The following SMPD3 variants were observed in gnomAD, a reference collection of about 807,000 sequenced individuals.
SMPD3 encodes the protein nSMase-2.
SMPD3 carries 21 observed loss-of-function variants against 55.7 expected under a neutral mutation model. The ratio of observed to expected loss-of-function variants is 0.38; its 90% CI spans 0.27 to 0.54. SMPD3 has a LOEUF of 0.54. Ranked by LOEUF, SMPD3 falls within the 20% of genes least tolerant of loss-of-function variation. The pLI, the probability that SMPD3 is intolerant of heterozygous loss-of-function variation, is 0.80. For missense variants in SMPD3, 842 were observed against 899.6 expected (o/e 0.94, Z 0.82); for synonymous variants, 457 against 404.3 (o/e 1.13, Z -1.56).
At chr16:68,361,437 G>A (rs1597578906) in intron 8 of SMPD3, 130 bp from the exon 9 acceptor site, 2 of 1,360,386 alleles carry the variant, frequency 1.5e-6, no homozygotes, top group Admixed American at 1.9e-5. Context: ...CAGTCAGAGG[G>A]ATGGGGCCTG....
At chr16:68,436,465 A>G (rs937768288) in intron 1 of SMPD3, among the ~76,000 whole-genome samples, 5 of 151,994 alleles carry the variant, frequency 3.3e-5, no homozygotes, top group African/African-American at 1.2e-4. Context: ...ATCTCACTGC[A>G]CTGTAATTAT....
In SMPD3 at chr16:68,361,609, C is replaced by G. The variant is rs2089272619; in HGVS notation, c.1860G>C (p.Trp620Cys). The change falls in exon 8 of 9, where the codon TGG becomes TGC. Residue 620 changes from tryptophan to cysteine, a missense_variant. Around this residue, in one of 2 missense-constraint regions of SMPD3, gnomAD observed 649 missense variants for 643.6 expected, o/e 1.01. Transcript: ENST00000219334. ...CTGGGCCCTCCTGACTCACGGCCTT[C>G]CAGTCTGGGCACAGCCCCTCCTCTG... Reference protein sequence around the residue: ...LHAEEGLCPDWKAEVEEFSFI... With the variant: ...LHAEEGLCPDCKAEVEEFSFI... 1 of 1,608,056 alleles carries G rather than the reference C, an allele frequency of 6.2e-7. No individual in the cohort carries two copies. Among genetic ancestry groups the G allele is most frequent in the Non-Finnish European group, 8.5e-7 (1 of 1,179,922 alleles).
chr16:68,396,589 G>T (rs544418966), intron 1 of SMPD3, among the ~76,000 whole-genome samples: 1 of 152,044 alleles, frequency 6.6e-6, no homozygotes, highest in African/African-American at 2.4e-5. Flanking sequence ...TACTGGCAGC[G>T]TAGAGCCCCC....
intron 5 of SMPD3, chr16:68,364,527 T>A: frequency 1.8e-6 from 1 of 541,566 alleles, no homozygotes. Flanking sequence ...TTGTCAGAGG[T>A]TCGTTTTTAG....
intron 2 of SMPD3, among the ~76,000 whole-genome samples, chr16:68,381,183 G>A (rs1238354569): frequency 1.3e-5 from 2 of 152,208 alleles, no homozygotes; most frequent in Non-Finnish European, 1.5e-5. Flanking sequence ...ACTGCTGAGG[G>A]TTGAGGCCCC....
chr16:68,427,752 T>TGG lies in SMPD3; in HGVS notation c.-269+20599_-269+20600dup, dbSNP rs67002357. ...AGTGGGATGGGGAGTTAAAAATGAC[T>TGG]GGGGGGGGGTGCTGATGCATTGTGA... On this transcript the variant is annotated intron_variant, in intron 1 of 8. Coordinates refer to ENST00000219334, the MANE Select transcript of SMPD3 (RefSeq NM_018667.4). 2.4e-3 allele frequency among the ~76,000 whole-genome samples: 358 copies of TGG among 147,916 alleles called. 2 individuals are homozygous for TGG. Among genetic ancestry groups the TGG allele is most frequent in the East Asian group, 6.7e-3 (33 of 4,936 alleles).
rs1410788093 is a variant in SMPD3 at position 68,404,878 on chromosome 16, G to A, written c.-268-18219C>T. 6.6e-6 allele frequency among the ~76,000 whole-genome samples: 1 copy of A among 152,170 alleles called. No individual in the cohort carries two copies. The highest frequency in any genetic ancestry group is 2.4e-5 in the African/African-American group (1 of 41,446). On this transcript the variant is annotated intron_variant, in intron 1 of 8. Transcript: ENST00000219334. This position sits in a 1 kb window ranked among gnomAD's most constrained non-coding sequence, Gnocchi z 4.0. The stretch of plus-strand genomic sequence containing the variant: ...CTTGTCCTTGGCAGCAGTAGAAATG[G>A]GGCGGCTCTGAACTTTCTCTCTGTA...
At chr16:68,424,014 G>T (rs901950574) in intron 1 of SMPD3, among the ~76,000 whole-genome samples, 5 of 151,678 alleles carry the variant, frequency 3.3e-5, no homozygotes, top group Non-Finnish European at 5.9e-5. Flanking sequence ...TCGGCCTGGG[G>T]ACGTCACCTG....
At chr16:68,405,953 T>C (rs2090251787) in intron 1 of SMPD3, among the ~76,000 whole-genome samples, 1 of 152,222 alleles carries the variant, frequency 6.6e-6, no homozygotes, top group African/African-American at 2.4e-5. Context: ...TTCCTGATGC[T>C]GAACATTGTC....
chr16:68,362,762 C>G (rs1253170849), intron 7 of SMPD3, among the ~76,000 whole-genome samples: 2 of 152,254 alleles, frequency 1.3e-5, no homozygotes, highest in East Asian at 3.8e-4. Context: ...CATCACTGTC[C>G]TTTGCCCTTG....
chr16:68,406,831 C>T (rs914550447), intron 1 of SMPD3, among the ~76,000 whole-genome samples: 2 of 152,158 alleles, frequency 1.3e-5, no homozygotes, highest in South Asian at 2.1e-4. Flanking sequence ...CTCACCGTAG[C>T]GTGGAGGAGA....
intron 1 of SMPD3, among the ~76,000 whole-genome samples, chr16:68,427,811 G>T (rs1257618154): frequency 6.6e-6 from 1 of 152,002 alleles, no homozygotes. Flanking sequence ...CTGAAACATC[G>T]AATCAGAGAA....
At chr16:68,398,193 G>A (rs1047660524) in intron 1 of SMPD3, among the ~76,000 whole-genome samples, 3 of 152,176 alleles carry the variant, frequency 2.0e-5, no homozygotes, top group Non-Finnish European at 4.4e-5. Flanking sequence ...GAAGCTTGGG[G>A]CTTATCCCAT....
intron 1 of SMPD3, among the ~76,000 whole-genome samples, chr16:68,430,731 A>G (rs754946990): frequency 6.6e-6 from 1 of 152,210 alleles, no homozygotes; most frequent in Non-Finnish European, 1.5e-5. Flanking sequence ...CTCTCACAGC[A>G]AGAAATACTG....
intron 2 of SMPD3, among the ~76,000 whole-genome samples, chr16:68,378,742 C>T (rs1205751692): frequency 6.6e-6 from 1 of 152,202 alleles, no homozygotes; most frequent in African/African-American, 2.4e-5. Flanking sequence ...CCTGGAAGGT[C>T]ACACAACCCA....
Position 68,361,084 on chromosome 16 carries a change from C to T in SMPD3, c.*122G>A. On this transcript the variant is annotated 3_prime_UTR_variant, in exon 9 of 9. Coordinates refer to ENST00000219334, the MANE Select transcript of SMPD3 (RefSeq NM_018667.4). ...CAGCTTCCAGGTTCCCGGGCACTGA[C>T]TGTGGCTCCCTCCCTGTCCCTGCCC... 1.1e-6 allele frequency: 1 copy of T among 876,362 alleles called. No homozygotes were observed. Among genetic ancestry groups the T allele is most frequent in the Non-Finnish European group, 1.7e-6 (1 of 574,174 alleles). 54.3% of individuals were successfully genotyped at this position (876,362 alleles called of 1,614,324 possible). A position where few individuals can be genotyped will look rare whatever the true frequency, so the allele number is the denominator to read the frequency against.
chr16:68,381,378 TA>T (rs2151996204), intron 2 of SMPD3, among the ~76,000 whole-genome samples: 1 of 152,334 alleles, frequency 6.6e-6, no homozygotes, highest in South Asian at 2.1e-4. Context: ...GTACATCTGA[TA>T]AGGGGAGACC....
intron 1 of SMPD3, among the ~76,000 whole-genome samples, chr16:68,427,666 A>G (rs1300465375): frequency 1.3e-5 from 2 of 152,166 alleles, no homozygotes; most frequent in African/African-American, 4.8e-5. Flanking sequence ...TGCTATGGGC[A>G]GAAGTCAACA....
chr16:68,426,131 C>T (rs1396368694), intron 1 of SMPD3, among the ~76,000 whole-genome samples: 21 of 152,174 alleles, frequency 1.4e-4, no homozygotes, highest in African/African-American at 3.9e-4. Context: ...ATCAATAATC[C>T]TGTTCCACTT....
Sources: allele counts gnomAD v4.1 joint callset (sites outside exome capture counted in the v4.1 genomes callset), GRCh38; gene constraint gnomAD v4.1.1; regional missense constraint gnomAD v4.1.1; non-coding constraint Gnocchi (gnomAD v3.1); transcripts MANE v1.5; gene names NCBI Gene and HGNC (gene_info 2026-07-23, HGNC 2026-07-21).